ACTR3: variants seen among roughly 807,000 people sequenced by gnomAD.
The protein encoded by ACTR3 is actin related protein 3.
ACTR3 carries 12 observed loss-of-function variants against 56.8 expected under a neutral mutation model. That is an observed-to-expected ratio of 0.21 (90% CI 0.14 to 0.34). ACTR3 has a LOEUF of 0.34. Ranked by LOEUF, ACTR3 falls within the 10% of genes least tolerant of loss-of-function variation. The pLI, the probability that ACTR3 is intolerant of heterozygous loss-of-function variation, is 1.00. For synonymous variants in ACTR3, 162 were observed against 167.4 expected, an observed-to-expected ratio of 0.97 and a Z score of 0.25; for missense variants, 282 against 512.5, an observed-to-expected ratio of 0.55 and a Z score of 4.34.
In ACTR3 at chr2:113,894,980, C is replaced by A. The variant is rs532297467; in HGVS notation, c.44+4657C>A. On this transcript the variant is annotated intron_variant, in intron 1 of 11. Coordinates refer to ENST00000263238, the MANE Select transcript of ACTR3 (RefSeq NM_005721.5). ...TGTATTTCTGTTTAAAGAACTCTTA[C>A]AAAAAAAAATCTCAGCCTTATGAAT... is the stretch of plus-strand genomic sequence containing the variant. Among the ~76,000 whole-genome samples, 82 of 149,788 alleles carry A rather than the reference C, an allele frequency of 5.5e-4. 1 individual carries two copies. Among genetic ancestry groups the A allele is most frequent in the Non-Finnish European group, 8.6e-4 (58 of 67,534 alleles).
intron 3 of ACTR3, among the ~76,000 whole-genome samples, chr2:113,919,019 C>T (rs1449237379): frequency 6.6e-6 from 1 of 152,170 alleles, no homozygotes; most frequent in Non-Finnish European, 1.5e-5. Flanking sequence ...AATGAACCCC[C>T]ATGTGCCTAT....
chr2:113,901,686 TA>T (rs1679102874), intron 1 of ACTR3, among the ~76,000 whole-genome samples: 1 of 152,228 alleles, frequency 6.6e-6, no homozygotes, highest in African/African-American at 2.4e-5. Context: ...TCTGGGGTCT[TA>T]TATTTATTTT....
rs185247033 is a variant in ACTR3, at chr2:113,927,950, C to G, written c.336+495C>G. Reference sequence around the variant, plus strand: ...CCTCTCCCAACCTTTGGTTCATATTCCCCGGAGGCAAACATTTTCAATTTT... The same window carrying G: ...CCTCTCCCAACCTTTGGTTCATATTGCCCGGAGGCAAACATTTTCAATTTT... On this transcript the variant is annotated intron_variant, in intron 4 of 11. Coordinates refer to ENST00000263238, the MANE Select transcript of ACTR3 (RefSeq NM_005721.5). Among the ~76,000 whole-genome samples, 6 of 152,214 alleles carry G rather than the reference C, an allele frequency of 3.9e-5. No homozygotes were observed. In the East Asian group the frequency reaches 1.2e-3, roughly 29 times the overall value.
intron 7 of ACTR3, among the ~76,000 whole-genome samples, chr2:113,941,461 C>T (rs1162051693): frequency 1.3e-5 from 2 of 151,900 alleles, no homozygotes; most frequent in African/African-American, 4.8e-5. Context: ...AGTATTTTTT[C>T]TCTTTGTGTA....
chr2:113,922,383 G>T (rs1188468239), intron 3 of ACTR3, among the ~76,000 whole-genome samples: 4 of 152,206 alleles, frequency 2.6e-5, no homozygotes, highest in Non-Finnish European at 5.9e-5. Context: ...CATTATAATG[G>T]AAGTAAATGA....
chr2:113,893,572 G>C lies in ACTR3; in HGVS notation c.44+3249G>C, dbSNP rs189281101. ...CTCCCAAAGTGCTGGGATTACAGGT[G>C]TGAGCCACCGCGCCCAGCCTTAAAG... is the stretch of plus-strand genomic sequence containing the variant. On this transcript the variant is annotated intron_variant, in intron 1 of 11. Transcript: ENST00000263238. Among the ~76,000 whole-genome samples the C allele has an allele frequency of 2.6e-5, 4 of 152,286 alleles. No individual in the cohort carries two copies. In the East Asian group the frequency reaches 7.7e-4, roughly 29 times the overall value.
intron 3 of ACTR3, 135 bp downstream of exon 3, chr2:113,917,143 T>C: frequency 1.5e-6 from 1 of 688,104 alleles, no homozygotes; most frequent in East Asian, 3.4e-5. Context: ...TCTTTTTCCC[T>C]ATGGCATCCT....
intron 4 of ACTR3, among the ~76,000 whole-genome samples, chr2:113,930,523 G>C (rs1679700236): frequency 6.6e-6 from 1 of 152,150 alleles, no homozygotes; most frequent in Admixed American, 6.5e-5. Flanking sequence ...TTACATTTAA[G>C]TATTTGAGAT....
chr2:113,927,189 T>C (rs1397349847), intron 3 of ACTR3, among the ~76,000 whole-genome samples, 156 bp from the exon 4 acceptor site: 1 of 152,250 alleles, frequency 6.6e-6, no homozygotes, highest in African/African-American at 2.4e-5. Flanking sequence ...CTTTAAATCC[T>C]TAAGTACACA....
chr2:113,951,994 CTG>C, intron 10 of ACTR3, 149 bp downstream of exon 10: 1 of 968,460 alleles, frequency 1.0e-6, no homozygotes, highest in Non-Finnish European at 1.5e-6. Context: ...AGATTTATGT[CTG>C]TGATATTCTG....
At chr2:113,931,829 T>A (rs1291779465) in intron 5 of ACTR3, among the ~76,000 whole-genome samples, 2 of 152,118 alleles carry the variant, frequency 1.3e-5, no homozygotes, top group Non-Finnish European at 2.9e-5. Context: ...TTCTCTTAAT[T>A]TGTACGTTTA....
intron 2 of ACTR3, among the ~76,000 whole-genome samples, chr2:113,914,614 C>CAAAAAAAAA (rs55784117): frequency 2.9e-5 from 2 of 69,218 alleles, no homozygotes; most frequent in East Asian, 3.4e-4. Flanking sequence ...GACTCAGTCT[C>CAAAAAAAAA]AAAAAAAAAA....
At chr2:113,900,132 AT>A (rs1376337875) in intron 1 of ACTR3, among the ~76,000 whole-genome samples, 2 of 152,030 alleles carry the variant, frequency 1.3e-5, no homozygotes, top group Non-Finnish European at 1.5e-5. Context: ...AAAGTGTGTA[AT>A]TGAGTAGTTT....
At chr2:113,900,076 C>T (rs1679072102) in intron 1 of ACTR3, among the ~76,000 whole-genome samples, 1 of 152,144 alleles carries the variant, frequency 6.6e-6, no homozygotes, top group Non-Finnish European at 1.5e-5. Flanking sequence ...TTACTTTATA[C>T]AGCTTTATTG....
chr2:113,937,077 A>G (rs1038822099), intron 6 of ACTR3, among the ~76,000 whole-genome samples: 1 of 152,052 alleles, frequency 6.6e-6, no homozygotes, highest in African/African-American at 2.4e-5. Context: ...GAAAAACACA[A>G]TTTACCCAGT....
intron 1 of ACTR3, among the ~76,000 whole-genome samples, chr2:113,892,716 C>T (rs1678929153): frequency 6.6e-6 from 1 of 152,150 alleles, no homozygotes; most frequent in Non-Finnish European, 1.5e-5. Flanking sequence ...TTAGAGAATG[C>T]ATTCAGCTCT....
intron 1 of ACTR3, among the ~76,000 whole-genome samples, chr2:113,901,943 C>T (rs1679108090): frequency 6.6e-6 from 1 of 152,258 alleles, no homozygotes; most frequent in South Asian, 2.1e-4. Context: ...GATGTTAATG[C>T]TTTTACAATG....
chr2:113,912,759 A>G (rs1484361517), intron 1 of ACTR3, among the ~76,000 whole-genome samples: 2 of 152,178 alleles, frequency 1.3e-5, no homozygotes, highest in Non-Finnish European at 2.9e-5. Context: ...TATTTTGGGA[A>G]TTGTTTCCTA....
intron 6 of ACTR3, among the ~76,000 whole-genome samples, chr2:113,938,854 A>G (rs1679874638): frequency 6.6e-6 from 1 of 152,118 alleles, no homozygotes; most frequent in African/African-American, 2.4e-5. Flanking sequence ...TTTAAATTCT[A>G]TATCCCTAAC....
Sources: gnomAD v4.1 joint callset for allele counts (sites outside exome capture counted in the v4.1 genomes callset) on GRCh38, gnomAD v4.1.1 for gene constraint, MANE v1.5 for transcripts, NCBI Gene and HGNC (gene_info 2026-07-23, HGNC 2026-07-21) for gene names.